FMNL2: variants seen among roughly 807,000 people sequenced by gnomAD.
FMNL2 encodes formin-like protein 2.
FMNL2 carries 51 observed loss-of-function variants against 130.2 expected under a neutral mutation model. The ratio of observed to expected loss-of-function variants is 0.39; its 90% confidence interval spans 0.31 to 0.49. The LOEUF is 0.49. Ranked by LOEUF, FMNL2 falls within the 20% of genes least tolerant of loss-of-function variation. The pLI is 0.85. For missense variants in FMNL2, 977 were observed against 1,316.2 expected, an observed-to-expected ratio of 0.74 and a Z score of 3.99; for synonymous variants, 465 against 467.1, an observed-to-expected ratio of 1.00 and a Z score of 0.06.
chr2:152,460,611 G>A (rs1689184513), intron 1 of FMNL2, among the ~76,000 whole-genome samples: 1 of 152,194 alleles, frequency 6.6e-6, no homozygotes, highest in African/African-American at 2.4e-5. Flanking sequence ...CCGCACAAGG[G>A]GCAAGTGAGC....
chr2:152,440,520 T>C (rs1016612553), intron 1 of FMNL2, among the ~76,000 whole-genome samples: 3 of 152,190 alleles, frequency 2.0e-5, no homozygotes, highest in African/African-American at 7.2e-5. Context: ...TGCCTTAGAA[T>C]AAAAAATAGT....
chr2:152,618,330 G>A (rs945571883), intron 13 of FMNL2, among the ~76,000 whole-genome samples: 1 of 152,162 alleles, frequency 6.6e-6, no homozygotes, highest in African/African-American at 2.4e-5. Context: ...GCGTTGTGAG[G>A]GCCAGAGAAA....
Position 152,560,988 on chromosome 2 carries a change from A to G in FMNL2, c.549A>G (p.Ser183=), listed in dbSNP as rs201715711. ...EDLHRGSNLP[S]PVGNSVSRSG... is the part of the protein sequence containing the mutation. Reference sequence around the variant, plus strand: ...TGCACAGAGGGAGCAACCTGCCCTCACCTGTGGGCAACAGTGTCTCCCGCT... The same window carrying G: ...TGCACAGAGGGAGCAACCTGCCCTCGCCTGTGGGCAACAGTGTCTCCCGCT... Residue 183 remains serine, a synonymous_variant, in exon 6 of 26, where the codon TCA becomes TCG. Coordinates refer to ENST00000288670, the MANE Select transcript of FMNL2 (RefSeq NM_052905.4). 2,259 of 1,605,080 alleles carry G rather than the reference A, an allele frequency of 1.4e-3. 35 individuals carry two copies. Among genetic ancestry groups the G allele is most frequent in the Non-Finnish European group, 2.8e-4 (325 of 1,175,614 alleles).
chr2:152,341,808 G>A (rs1186998825), intron 1 of FMNL2, among the ~76,000 whole-genome samples: 1 of 152,204 alleles, frequency 6.6e-6, no homozygotes, highest in Non-Finnish European at 1.5e-5. Flanking sequence ...GTCAGTGACT[G>A]AAAGTCATAT....
chr2:152,593,896 TGTGTGTGAGAGAGAGAGA>T (rs1697604549), intron 9 of FMNL2, among the ~76,000 whole-genome samples: 1 of 103,882 alleles, frequency 9.6e-6, no homozygotes, highest in African/African-American at 3.8e-5. Context: ...TGTGTGTGTG[TGTGTGTGAGAGAGAGAGA>T]GAGAGAGAGA....
rs200107631 is a variant in FMNL2 at position 152,433,997 on chromosome 2, T to G, written c.118-87946T>G. Among the ~76,000 whole-genome samples the G allele has an allele frequency of 1.5e-4, 23 of 152,342 alleles. No homozygotes were observed. In the East Asian group the frequency reaches 4.4e-3, roughly 29 times the overall value. ...GAGGAAACTGGTACTATTAATGTCA[T>G]GCAAGGAGAAAGCCCATTTTGAGTA... On this transcript the variant is annotated intron_variant, in intron 1 of 25. Transcript: ENST00000288670.
At chr2:152,480,391 G>A (rs1220490875) in intron 1 of FMNL2, among the ~76,000 whole-genome samples, 3 of 152,088 alleles carry the variant, frequency 2.0e-5, no homozygotes, top group Admixed American at 2.0e-4. Flanking sequence ...AGCACTTTGG[G>A]AGGCCGAGGC....
chr2:152,454,873 ACTCTGATT>A (rs1479763376), intron 1 of FMNL2, among the ~76,000 whole-genome samples: 1 of 152,138 alleles, frequency 6.6e-6, no homozygotes. Context: ...AGCTGTTCTT[ACTCTGATT>A]CTCAGGGCAT....
At chr2:152,635,549 C>T (rs1682524244) in intron 21 of FMNL2, among the ~76,000 whole-genome samples, 2 of 152,160 alleles carry the variant, frequency 1.3e-5, no homozygotes, top group Non-Finnish European at 2.9e-5. Context: ...ATAACATAAC[C>T]ACATTGATTT....
At chr2:152,556,673 T>C (rs1313115532) in intron 4 of FMNL2, among the ~76,000 whole-genome samples, 1 of 152,206 alleles carries the variant, frequency 6.6e-6, no homozygotes, top group Non-Finnish European at 1.5e-5. Context: ...GTGGCTGAAC[T>C]TTCCAAGTGA....
In FMNL2 at chr2:152,375,875, C is replaced by CTA. The variant is rs71394478; in HGVS notation, c.117+40156_117+40157insAT. Among the ~76,000 whole-genome samples the CTA allele has an allele frequency of 4.3e-3, 490 of 112,770 alleles. 1 individual carries two copies. Among genetic ancestry groups the CTA allele is most frequent in the African/African-American group, 0.011 (322 of 30,182 alleles). The allele number at this position is 112,770 out of a possible 152,430, so 74.0% of individuals were successfully genotyped here. A position where few individuals can be genotyped will look rare whatever the true frequency, so the allele number is the denominator to read the frequency against. On this transcript the variant is annotated intron_variant, in intron 1 of 25. Coordinates refer to ENST00000288670, the MANE Select transcript of FMNL2 (RefSeq NM_052905.4). ...GCTCTCTCTCTCTCTCTCTCTCTCT[C>CTA]TCTATATATATATATATATATAATT...
chr2:152,635,404 CG>C (rs1255511201), intron 21 of FMNL2, among the ~76,000 whole-genome samples: 1 of 152,162 alleles, frequency 6.6e-6, no homozygotes, highest in Non-Finnish European at 1.5e-5. Flanking sequence ...CTTTACAACC[CG>C]TTTTGAACTC....
rs566245591 is a variant in FMNL2, at chr2:152,363,054, G to T, written c.117+27334G>T. Among the ~76,000 whole-genome samples the T allele has an allele frequency of 1.2e-4, 19 of 152,310 alleles. No individual in the cohort carries two copies. The South Asian group carries it at 3.7e-3, about 30-fold the overall frequency. On this transcript the variant is annotated intron_variant, in intron 1 of 25. Coordinates refer to ENST00000288670, the MANE Select transcript of FMNL2 (RefSeq NM_052905.4). ...AGACCCTGTGAGGATTGGAGTGGTT[G>T]ATAGCTGAAGGGTTCAAGGTTTCTC...
intron 25 of FMNL2, among the ~76,000 whole-genome samples, chr2:152,643,154 G>A (rs79626119): frequency 0.027 from 4,148 of 152,220 alleles, 184 homozygotes; most frequent in African/African-American, 0.091. Flanking sequence ...TCTACTAGAA[G>A]AGGGGAATGA....
chr2:152,484,613 C>T (rs983857086), intron 1 of FMNL2, among the ~76,000 whole-genome samples: 2 of 151,944 alleles, frequency 1.3e-5, no homozygotes, highest in East Asian at 3.9e-4. Flanking sequence ...CTATAAAAAA[C>T]TTAAAAAATT....
At chr2:152,558,325 G>A (rs1021000621) in intron 4 of FMNL2, among the ~76,000 whole-genome samples, 2 of 152,080 alleles carry the variant, frequency 1.3e-5, no homozygotes, top group Non-Finnish European at 2.9e-5. Context: ...TTGGAATCCC[G>A]CCTGGATTTT....
At chr2:152,412,465 TA>T (rs1686360594) in intron 1 of FMNL2, among the ~76,000 whole-genome samples, 1 of 10,160 alleles carries the variant, frequency 9.8e-5, no homozygotes, top group Non-Finnish European at 3.1e-4. Flanking sequence ...TATATATATA[TA>T]TATATATATA....
intron 1 of FMNL2, among the ~76,000 whole-genome samples, chr2:152,519,238 C>A (rs1052015223): frequency 1.3e-5 from 2 of 152,144 alleles, no homozygotes; most frequent in Non-Finnish European, 2.9e-5. Context: ...CTTTCTCAAG[C>A]CTTACCAGAG....
intron 9 of FMNL2, among the ~76,000 whole-genome samples, chr2:152,593,838 G>GGAGAGAGA (rs147035875): frequency 0.03 from 2,507 of 84,112 alleles, 50 homozygotes; most frequent in Middle Eastern, 0.061. Flanking sequence ...AGGTGACTAG[G>GGAGAGAGA]GAGAGAGAGA....
Sources: allele counts gnomAD v4.1 joint callset (sites outside exome capture counted in the v4.1 genomes callset), GRCh38; gene constraint gnomAD v4.1.1; transcripts MANE v1.5; gene names NCBI Gene and HGNC (gene_info 2026-07-23, HGNC 2026-07-21).